ARIH2: variants seen among roughly 807,000 people sequenced by gnomAD.
ARIH2 encodes E3 ubiquitin-protein ligase ARIH2.
Under a neutral mutation model 79.8 loss-of-function variants are expected in ARIH2, and 12 were observed. The ratio of observed to expected loss-of-function variants is 0.15; its 90% CI spans 0.10 to 0.24. The LOEUF (loss-of-function observed/expected upper bound fraction) is 0.24, where lower values mean the gene tolerates loss of function less well. Among genes scored for constraint, ARIH2 ranks in the 10% least tolerant of loss-of-function variants. The pLI, the probability that ARIH2 is intolerant of heterozygous loss-of-function variation, is 1.00. For missense variants in ARIH2, 301 were observed against 618.3 expected, an observed-to-expected ratio of 0.49 and a Z score of 5.44; for synonymous variants, 224 against 213.9, an observed-to-expected ratio of 1.05 and a Z score of -0.41.
In ARIH2 at chr3:48,959,009, G is replaced by A. The variant is rs189406410; in HGVS notation, c.256-2603G>A. 4.2e-3 allele frequency among the ~76,000 whole-genome samples: 618 copies of A among 148,814 alleles called. 2 individuals are homozygous for A. Among genetic ancestry groups the A allele is most frequent in the Non-Finnish European group, 6.8e-3 (458 of 67,084 alleles). ...AGCCTGGGAAACATAGTGAGATCCT[G>A]TCTCAAAAATAATAATAATAAAATA... On this transcript the variant is annotated intron_variant, in intron 3 of 15. Coordinates refer to ENST00000356401, the MANE Select transcript of ARIH2 (RefSeq NM_006321.4).
At chr3:48,973,179 C>T (rs907769417) in intron 8 of ARIH2, among the ~76,000 whole-genome samples, 6 of 152,206 alleles carry the variant, frequency 3.9e-5, no homozygotes, top group African/African-American at 1.2e-4. Context: ...CACAGTGGCC[C>T]ACGCCTGTAA....
chr3:48,981,347 G>A (rs2107701515), intron 13 of ARIH2, among the ~76,000 whole-genome samples: 1 of 151,972 alleles, frequency 6.6e-6, no homozygotes, highest in South Asian at 2.1e-4. Flanking sequence ...AAAAAAAAAG[G>A]TTGTCTTTGG....
intron 7 of ARIH2, among the ~76,000 whole-genome samples, chr3:48,970,039 C>T (rs780290741): frequency 2.0e-5 from 3 of 151,484 alleles, no homozygotes; most frequent in Non-Finnish European, 2.9e-5. Flanking sequence ...TACAAGCTCG[C>T]GCCACCACAC....
intron 2 of ARIH2, among the ~76,000 whole-genome samples, chr3:48,925,721 ATTT>A (rs879571708): frequency 1.4e-5 from 2 of 138,052 alleles, no homozygotes; most frequent in Non-Finnish European, 3.2e-5. Context: ...TTAGTTTTAG[ATTT>A]TTTTTTTTTT....
chr3:48,948,426 G>A (rs1053796058), intron 3 of ARIH2, among the ~76,000 whole-genome samples: 1 of 151,930 alleles, frequency 6.6e-6, no homozygotes, highest in African/African-American at 2.4e-5. Flanking sequence ...GTGCCACCAC[G>A]CCCGGCTAAT....
chr3:48,967,067 C>T (rs1024728184), intron 5 of ARIH2, 58 bp from the exon 6 acceptor site: 5 of 1,576,230 alleles, frequency 3.2e-6, no homozygotes, highest in Non-Finnish European at 3.5e-6. Context: ...CATGAGGTAC[C>T]CTTATGGCCT....
At position 48,948,105 on chromosome 3, in the gene ARIH2, C is replaced by T. The variant is rs367889327; in HGVS notation, c.256-13507C>T. On this transcript the variant is annotated intron_variant, in intron 3 of 15. Transcript: ENST00000356401. ...CCTCCTGAGTAGCTGGGACTACAGG[C>T]GCCCACCACCACGCCTGGCTAATTT... Among the ~76,000 whole-genome samples the T allele has an allele frequency of 5.3e-4, 80 of 152,054 alleles. 1 individual carries two copies. Among genetic ancestry groups the T allele is most frequent in the Middle Eastern group, 6.8e-3 (2 of 294 alleles).
intron 3 of ARIH2, among the ~76,000 whole-genome samples, chr3:48,942,919 G>T (rs1190823376): frequency 6.6e-6 from 1 of 151,946 alleles, no homozygotes; most frequent in African/African-American, 2.4e-5. Context: ...CCAAAGTGCT[G>T]GAATTACAGG....
intron 3 of ARIH2, among the ~76,000 whole-genome samples, chr3:48,940,613 C>G (rs1436594834): frequency 6.6e-6 from 1 of 151,474 alleles, no homozygotes; most frequent in Non-Finnish European, 1.5e-5. Flanking sequence ...ATGGTGAAAC[C>G]CCATCTCTAC....
At chr3:48,941,668 C>T (rs2088260195) in intron 3 of ARIH2, among the ~76,000 whole-genome samples, 1 of 150,428 alleles carries the variant, frequency 6.6e-6, no homozygotes, top group Admixed American at 6.6e-5. Context: ...TCTCGGCTCA[C>T]TGCAAGCTCC....
intron 8 of ARIH2, among the ~76,000 whole-genome samples, chr3:48,971,534 G>T (rs766568508): frequency 6.6e-6 from 1 of 152,148 alleles, no homozygotes; most frequent in African/African-American, 2.4e-5. Flanking sequence ...TGAGCCAACC[G>T]CGCCTAGCCA....
At chr3:48,956,439 C>CTGTTT (rs2090584440) in intron 3 of ARIH2, among the ~76,000 whole-genome samples, 2 of 36,256 alleles carry the variant, frequency 5.5e-5, no homozygotes, top group South Asian at 1.2e-3. Flanking sequence ...GCGCCCGGCA[C>CTGTTT]TTTTTTTTTT....
intron 11 of ARIH2, 34 bp downstream of exon 11, chr3:48,975,013 G>A: frequency 1.2e-6 from 2 of 1,614,178 alleles, no homozygotes; most frequent in Non-Finnish European, 8.5e-7. Context: ...AGGCCCAGTG[G>A]CACTTTCTTG....
chr3:48,944,470 T>A (rs1022821072), intron 3 of ARIH2, among the ~76,000 whole-genome samples: 1 of 152,204 alleles, frequency 6.6e-6, no homozygotes, highest in Non-Finnish European at 1.5e-5. Context: ...TTCAAATGTG[T>A]GTTTATTAAT....
chr3:48,974,619 T>C, intron 9 of ARIH2, 198 bp from the exon 10 acceptor site: 1 of 618,218 alleles, frequency 1.6e-6, no homozygotes, highest in Non-Finnish European at 2.9e-6. Context: ...TTGAAGCATT[T>C]CAAAGCTAAA....
At chr3:48,919,241 C>A in intron 1 of ARIH2, 1 of 1,240,746 alleles carries the variant, frequency 8.1e-7, no homozygotes, top group African/African-American at 1.6e-5. Flanking sequence ...AGGCCACCGC[C>A]TCTGACCAAC....
chr3:48,972,004 G>T (rs2092265715), intron 8 of ARIH2, among the ~76,000 whole-genome samples: 2 of 152,152 alleles, frequency 1.3e-5, no homozygotes, highest in South Asian at 2.1e-4. Flanking sequence ...GTCATCAGAT[G>T]TATCATGACC....
In ARIH2 at chr3:48,970,612, G is replaced by A. The variant is rs1441295606; in HGVS notation, c.678G>A (p.Gln226=). The A allele has an allele frequency of 1.9e-6, 3 of 1,613,796 alleles. No homozygotes were observed. The highest frequency in any genetic ancestry group is 1.3e-5 in the African/African-American group (1 of 75,048). Residue 226 remains glutamine, a synonymous_variant, in exon 8 of 16, where the codon CAG becomes CAA. Transcript: ENST00000356401. ...RDYVESHYQL[Q]LCPGADCPMV... is the part of the protein sequence containing the mutation. ...GTTCACAGAGTCATTACCAGCTCCA[G>A]CTGTGCCCTGGTGCAGACTGCCCCA...
At chr3:48,941,171 CAAAA>C (rs11353326) in intron 3 of ARIH2, among the ~76,000 whole-genome samples, 3 of 132,024 alleles carry the variant, frequency 2.3e-5, no homozygotes, top group Non-Finnish European at 1.6e-5. Flanking sequence ...GACTCCGTCT[CAAAA>C]AAAAAAAAAA....
Sources: gnomAD v4.1 joint callset for allele counts (sites outside exome capture counted in the v4.1 genomes callset) on GRCh38, gnomAD v4.1.1 for gene constraint, MANE v1.5 for transcripts, NCBI Gene and HGNC (gene_info 2026-07-23, HGNC 2026-07-21) for gene names.